The following FHIT variants were observed in gnomAD, a reference collection of about 807,000 sequenced individuals.
The protein encoded by FHIT is fragile histidine triad diadenosine triphosphatase, also known as bis(5'-adenosyl)-triphosphatase.
In FHIT, 19 loss-of-function variants were observed where a neutral mutation model predicts 17.9. The ratio of observed to expected loss-of-function variants is 1.06; its 90% CI spans 0.74 to 1.56. FHIT has a LOEUF of 1.56. Ranked by LOEUF, FHIT falls within the 40% of genes most tolerant of loss-of-function variation. The pLI is 0.00. For missense variants in FHIT, 248 were observed against 189.2 expected (o/e 1.31, Z -1.82); for synonymous variants, 81 against 69.7 (o/e 1.16, Z -0.81).
chr3:59,948,273 C>A (rs569680501), intron 7 of FHIT, among the ~76,000 whole-genome samples: 1 of 149,596 alleles, frequency 6.7e-6, no homozygotes, highest in Non-Finnish European at 1.5e-5. Flanking sequence ...GGGAGGCCAA[C>A]GTGGGTAGAT....
intron 1 of FHIT, among the ~76,000 whole-genome samples, chr3:61,249,792 TGTA>T (rs1374491709): frequency 1.3e-5 from 2 of 152,056 alleles, no homozygotes; most frequent in Non-Finnish European, 1.5e-5. Context: ...AAATGGGAAA[TGTA>T]GTATTAAAAA....
chr3:60,557,856 G>C (rs139446345), intron 4 of FHIT, among the ~76,000 whole-genome samples: 89 of 152,114 alleles, frequency 5.9e-4, no homozygotes, highest in African/African-American at 2.0e-3. Flanking sequence ...GAATCTCTGA[G>C]CTCTGTAATC....
At chr3:60,496,376 C>T (rs1281619342) in intron 5 of FHIT, among the ~76,000 whole-genome samples, 4 of 152,134 alleles carry the variant, frequency 2.6e-5, no homozygotes, top group African/African-American at 4.8e-5. Flanking sequence ...AAAGGGACAC[C>T]TGTTTGCATC....
At chr3:59,944,052 C>G (rs1706673107) in intron 7 of FHIT, among the ~76,000 whole-genome samples, 1 of 152,154 alleles carries the variant, frequency 6.6e-6, no homozygotes, top group Non-Finnish European at 1.5e-5. Flanking sequence ...TAAATACTAG[C>G]TATGATTTAA....
At chr3:60,453,959 T>G (rs1351968050) in intron 5 of FHIT, among the ~76,000 whole-genome samples, 1 of 151,912 alleles carries the variant, frequency 6.6e-6, no homozygotes, top group African/African-American at 2.4e-5. Context: ...GTCTTCAATC[T>G]CTATGAGAAA....
chr3:60,950,308 T>C (rs1367710479), intron 3 of FHIT, among the ~76,000 whole-genome samples: 1 of 152,198 alleles, frequency 6.6e-6, no homozygotes, highest in Non-Finnish European at 1.5e-5. Flanking sequence ...AAACAGTAGA[T>C]ACTGTAATAT....
intron 5 of FHIT, among the ~76,000 whole-genome samples, chr3:60,034,900 A>C (rs1259288059): frequency 6.6e-6 from 1 of 152,238 alleles, no homozygotes; most frequent in Non-Finnish European, 1.5e-5. Context: ...TGTTTGATGC[A>C]AATTAAACTA....
chr3:60,106,345 T>C (rs565359777), intron 5 of FHIT, among the ~76,000 whole-genome samples: 4 of 152,306 alleles, frequency 2.6e-5, no homozygotes, highest in African/African-American at 7.2e-5. Context: ...GCAACACCTA[T>C]AGGAAGAATA....
intron 5 of FHIT, among the ~76,000 whole-genome samples, chr3:60,253,130 T>C (rs920024346): frequency 6.6e-6 from 1 of 152,204 alleles, no homozygotes; most frequent in African/African-American, 2.4e-5. Flanking sequence ...TTGCTACTTA[T>C]ATTTTTAAGT....
chr3:61,214,207 T>C (rs1429054559), intron 1 of FHIT, among the ~76,000 whole-genome samples: 1 of 152,068 alleles, frequency 6.6e-6, no homozygotes, highest in African/African-American at 2.4e-5. Flanking sequence ...AAAAAATTAA[T>C]GAATCCAGGA....
intron 4 of FHIT, among the ~76,000 whole-genome samples, chr3:60,756,205 G>C (rs1233885845): frequency 1.3e-5 from 2 of 152,208 alleles, no homozygotes; most frequent in Non-Finnish European, 2.9e-5. Context: ...GCACCTTGTG[G>C]CTTGGGCTTC....
chr3:60,836,372 G>T (rs1553743830), intron 3 of FHIT, among the ~76,000 whole-genome samples: 1 of 152,084 alleles, frequency 6.6e-6, no homozygotes, highest in Non-Finnish European at 1.5e-5. Flanking sequence ...TAAATGTTTG[G>T]TAAAATTCTC....
chr3:60,732,305 C>G (rs2042046356), intron 4 of FHIT: 4 of 949,658 alleles, frequency 4.2e-6, no homozygotes, highest in Non-Finnish European at 6.8e-6. Flanking sequence ...ACATGAAAAA[C>G]TGGGAACCAT....
chr3:61,115,249 G>C (rs2036267491), intron 2 of FHIT, among the ~76,000 whole-genome samples: 1 of 152,158 alleles, frequency 6.6e-6, no homozygotes, highest in African/African-American at 2.4e-5. Flanking sequence ...TAAGTGAAAA[G>C]CAAGATAACC....
intron 5 of FHIT, among the ~76,000 whole-genome samples, chr3:60,320,486 G>A (rs931376330): frequency 1.7e-4 from 26 of 152,134 alleles, no homozygotes; most frequent in African/African-American, 4.3e-4. Flanking sequence ...AATAAAGTGC[G>A]TTTTAACAGC....
intron 3 of FHIT, among the ~76,000 whole-genome samples, chr3:60,945,544 C>T (rs1553775570): frequency 6.6e-6 from 1 of 152,164 alleles, no homozygotes; most frequent in East Asian, 1.9e-4. Flanking sequence ...AGGCATCCAT[C>T]ACCATGCCCC....
chr3:60,711,367 C>T (rs1321431454), intron 4 of FHIT, among the ~76,000 whole-genome samples: 2 of 152,198 alleles, frequency 1.3e-5, no homozygotes, highest in Non-Finnish European at 2.9e-5. Flanking sequence ...AAGCAGAGCG[C>T]CTCTCCTCCT....
chr3:59,854,098 T>C (rs756217910), intron 8 of FHIT, among the ~76,000 whole-genome samples: 11 of 151,762 alleles, frequency 7.2e-5, no homozygotes, highest in Non-Finnish European at 1.3e-4. Context: ...TACATGAAAA[T>C]TGTGAAGTAA....
intron 5 of FHIT, among the ~76,000 whole-genome samples, chr3:60,063,581 A>T (rs1270188460): frequency 6.6e-6 from 1 of 152,198 alleles, no homozygotes; most frequent in Non-Finnish European, 1.5e-5. Context: ...ATTGAAAGAT[A>T]AGCAAATTAA....
Sources: gnomAD v4.1 joint callset for allele counts (sites outside exome capture counted in the v4.1 genomes callset) on GRCh38, gnomAD v4.1.1 for gene constraint, MANE v1.5 for transcripts, NCBI Gene and HGNC (gene_info 2026-07-23, HGNC 2026-07-21) for gene names.